The following TAF1B variants were observed in gnomAD, a reference collection of about 807,000 sequenced individuals.
TAF1B encodes TATA-box binding protein associated factor, RNA polymerase I subunit B, also known as TATA box-binding protein-associated factor RNA polymerase I subunit B.
In TAF1B, 61 loss-of-function variants were observed where a neutral mutation model predicts 83.9. The observed-to-expected ratio is 0.73, with a 90% confidence interval of 0.59 to 0.90. The LOEUF (loss-of-function observed/expected upper bound fraction) is 0.90. Among genes scored for constraint, TAF1B ranks in the 40% least tolerant of loss-of-function variants. The pLI, the probability that TAF1B is intolerant of heterozygous loss-of-function variation, is 0.00. For synonymous variants in TAF1B, 221 were observed against 224.6 expected (o/e 0.98, Z 0.14); for missense variants, 625 against 677.0 (o/e 0.92, Z 0.85).
intron 8 of TAF1B, among the ~76,000 whole-genome samples, chr2:9,895,930 C>T (rs914529050): frequency 1.1e-4 from 17 of 150,946 alleles, no homozygotes; most frequent in Non-Finnish European, 2.9e-5. Flanking sequence ...CTAGCCTGTC[C>T]TTACCTGTCT....
intron 14 of TAF1B, among the ~76,000 whole-genome samples, chr2:9,920,885 G>C (rs1392690255): frequency 6.6e-6 from 1 of 152,152 alleles, no homozygotes; most frequent in Non-Finnish European, 1.5e-5. Context: ...ACTGAGGAGA[G>C]GAATCTGTGT....
At position 9,849,476 on chromosome 2, in the gene TAF1B, A is replaced by C. The variant is rs371468217; in HGVS notation, c.205+16A>C. On this transcript the variant is annotated intron_variant, in intron 3 of 14. Transcript: ENST00000263663. ...AACAATACTGGTAAGTTCTTTCTTC[A>C]TATGTACTTAACATTCTTTATTCAC... The C allele has an allele frequency of 8.0e-6, 12 of 1,498,656 alleles. No homozygotes were observed. In the Admixed American group the frequency reaches 1.8e-4, roughly 23 times the overall value. 92.8% of individuals were successfully genotyped at this position (1,498,656 alleles called of 1,614,324 possible). A position where few individuals can be genotyped will look rare whatever the true frequency, so the allele number is the denominator to read the frequency against.
intron 14 of TAF1B, among the ~76,000 whole-genome samples, chr2:9,929,142 T>TTTTTTG (rs71391176): frequency 1.3e-5 from 2 of 150,914 alleles, no homozygotes; most frequent in African/African-American, 4.9e-5. Context: ...ATTGGTTCTG[T>TTTTTTG]TTGTTGTTGT....
chr2:9,925,584 T>C (rs1243666477), intron 14 of TAF1B, among the ~76,000 whole-genome samples: 1 of 105,564 alleles, frequency 9.5e-6, no homozygotes, highest in Non-Finnish European at 2.6e-5. Flanking sequence ...TGTTTTGGGG[T>C]GTTTGTTTTT....
At chr2:9,919,898 A>G in intron 14 of TAF1B, 78 bp downstream of exon 14, 1 of 1,381,408 alleles carries the variant, frequency 7.2e-7, no homozygotes, top group Non-Finnish European at 1.0e-6. Context: ...TTTTGTTGGA[A>G]TTAGAAGCTG....
chr2:9,872,081 A>T (rs902535785), intron 6 of TAF1B, among the ~76,000 whole-genome samples: 1 of 151,694 alleles, frequency 6.6e-6, no homozygotes, highest in African/African-American at 2.4e-5. Flanking sequence ...TAATCCCAGC[A>T]CTTTGGGAGG....
At chr2:9,888,649 A>G (rs1473917491) in intron 8 of TAF1B, among the ~76,000 whole-genome samples, 2 of 151,860 alleles carry the variant, frequency 1.3e-5, no homozygotes, top group Admixed American at 1.3e-4. Context: ...TCAATCTGCT[A>G]TAATTCTTAT....
chr2:9,902,230 T>A (rs879542410), intron 8 of TAF1B, among the ~76,000 whole-genome samples: 145 of 149,260 alleles, frequency 9.7e-4, no homozygotes, highest in Non-Finnish European at 1.3e-3. Context: ...TATGAAGCTT[T>A]TTTTTTTTTT....
Position 9,914,304 on chromosome 2 carries a change from G to A in TAF1B, c.1271+1055G>A, listed in dbSNP as rs565685041. 6.6e-6 allele frequency among the ~76,000 whole-genome samples: 1 copy of A among 152,194 alleles called. No homozygotes were observed. The highest frequency in any genetic ancestry group is 6.5e-5 in the Admixed American group (1 of 15,284). ...GGTGAATTTATCCCAACAGCCCATG[G>A]ATTCCCAGGAAACCAGGCTCCCTGC... On this transcript the variant is annotated intron_variant, in intron 12 of 14. Transcript: ENST00000263663. This position sits in a 1 kb window ranked among gnomAD's most constrained non-coding sequence, Gnocchi z 4.3.
intron 11 of TAF1B, among the ~76,000 whole-genome samples, chr2:9,911,827 T>G (rs141564335): frequency 6.6e-6 from 1 of 152,312 alleles, no homozygotes; most frequent in East Asian, 1.9e-4. Context: ...GATCATGAAT[T>G]TACAGGCAGC....
At chr2:9,866,198 GCT>G (rs1441741249) in intron 5 of TAF1B, among the ~76,000 whole-genome samples, 1 of 151,788 alleles carries the variant, frequency 6.6e-6, no homozygotes, top group African/African-American at 2.4e-5. Flanking sequence ...CTGACAAAGG[GCT>G]AATATCCAGA....
intron 5 of TAF1B, among the ~76,000 whole-genome samples, chr2:9,861,417 C>T (rs532364872): frequency 5.9e-5 from 9 of 152,298 alleles, no homozygotes; most frequent in Admixed American, 1.3e-4. Context: ...CCGCCATTGC[C>T]GAGGCTTGAG....
upstream of TAF1B, chr2:9,843,468 T>C: frequency 6.6e-7 from 1 of 1,506,950 alleles, no homozygotes. Flanking sequence ...CGGAAGCTTC[T>C]CCAGCCTTTC....
chr2:9,850,784 C>T (rs568923421), intron 3 of TAF1B, among the ~76,000 whole-genome samples: 46 of 152,274 alleles, frequency 3.0e-4, no homozygotes, highest in Non-Finnish European at 5.6e-4. Context: ...AAACATGTAA[C>T]TCTGTCTATT....
chr2:9,934,033 A>C lies in TAF1B; in HGVS notation c.*49A>C, dbSNP rs1377231529. On this transcript the variant is annotated 3_prime_UTR_variant, in exon 15 of 15. Coordinates refer to ENST00000263663, the MANE Select transcript of TAF1B (RefSeq NM_005680.3). ...GAAAAATATTTTAATAGTGATAATA[A>C]CATCAGATTTTAATATAACATTCCA... The C allele has an allele frequency of 7.2e-7, 1 of 1,390,250 alleles. No homozygotes were observed. The highest frequency in any genetic ancestry group is 9.8e-7 in the Non-Finnish European group (1 of 1,020,020). The allele number at this position is 1,390,250 out of a possible 1,614,324, so 86.1% of individuals were successfully genotyped here. A position where few individuals can be genotyped will look rare whatever the true frequency, so the allele number is the denominator to read the frequency against.
At position 9,917,591 on chromosome 2, in the gene TAF1B, A is replaced by G. The variant is rs543991034; in HGVS notation, c.1272-1450A>G. Among the ~76,000 whole-genome samples, 5 of 152,366 alleles carry G rather than the reference A, an allele frequency of 3.3e-5. No individual in the cohort carries two copies. In the East Asian group the frequency reaches 9.6e-4, roughly 29 times the overall value. On this transcript the variant is annotated intron_variant, in intron 12 of 14. Transcript: ENST00000263663. Reference sequence around the variant, plus strand: ...CTTCAGAATAACCCTGTGAAAGTAGAGGATAAGTTTAGAGATGCTAAATTC... The same window carrying G: ...CTTCAGAATAACCCTGTGAAAGTAGGGGATAAGTTTAGAGATGCTAAATTC...
intron 1 of TAF1B, 68 bp downstream of exon 1, chr2:9,843,627 C>A (rs1489570150): frequency 5.0e-6 from 7 of 1,406,032 alleles, no homozygotes; most frequent in African/African-American, 3.0e-5. Context: ...TGAGGAGGAG[C>A]GGCGGAGGAC....
intron 12 of TAF1B, chr2:9,913,503 A>G (rs1265254641): frequency 6.1e-6 from 2 of 325,356 alleles, no homozygotes; most frequent in African/African-American, 4.3e-5. Flanking sequence ...AGGATACCAC[A>G]GTATACTTTT....
At chr2:9,862,178 G>A (rs1415134368) in intron 5 of TAF1B, among the ~76,000 whole-genome samples, 1 of 152,022 alleles carries the variant, frequency 6.6e-6, no homozygotes, top group Non-Finnish European at 1.5e-5. Flanking sequence ...CAATGGCAAA[G>A]AAGATTAAAA....
Sources: allele counts gnomAD v4.1 joint callset (sites outside exome capture counted in the v4.1 genomes callset), GRCh38; gene constraint gnomAD v4.1.1; non-coding constraint Gnocchi (gnomAD v3.1); transcripts MANE v1.5; gene names NCBI Gene and HGNC (gene_info 2026-07-23, HGNC 2026-07-21).